MEI1: variants seen among roughly 807,000 people sequenced by gnomAD.
The protein encoded by MEI1 is meiotic double-stranded break formation protein 1.
MEI1 carries 103 observed loss-of-function variants against 146.2 expected under a neutral mutation model. The observed-to-expected ratio is 0.70, with a 90% CI of 0.60 to 0.83. The LOEUF (loss-of-function observed/expected upper bound fraction) is 0.83. Among genes scored for constraint, MEI1 ranks in the 40% least tolerant of loss-of-function variants. The probability of loss-of-function intolerance (pLI) is 0.00; values close to 1 mark genes in which losing one functional copy is unlikely to be tolerated. For synonymous variants in MEI1, 652 were observed against 628.2 expected (o/e 1.04, Z -0.57); for missense variants, 1,529 against 1,533.0 (o/e 1.00, Z 0.04).
intron 3 of MEI1, among the ~76,000 whole-genome samples, chr22:41,708,034 C>A (rs1481616744): frequency 6.6e-6 from 1 of 152,178 alleles, no homozygotes; most frequent in South Asian, 2.1e-4. Flanking sequence ...TGTAACTATC[C>A]TTCATTCATA....
At chr22:41,710,671 T>C (rs9607833) in intron 3 of MEI1, among the ~76,000 whole-genome samples, 12,170 of 152,260 alleles carry the variant, frequency 0.08, 1,343 homozygotes, top group African/African-American at 0.25. Flanking sequence ...TCACTTCTTT[T>C]GTGAAATGAG....
At position 41,718,100 on chromosome 22, in the gene MEI1, T is replaced by G. The variant is rs1304134672; in HGVS notation, c.559T>G (p.Leu187Val). 6.2e-6 allele frequency: 10 copies of G among 1,612,616 alleles called. No individual in the cohort carries two copies. In the Middle Eastern group the frequency reaches 9.2e-4, roughly 149 times the overall value. Residue 187 changes from leucine (L) to valine (V), a missense_variant, in exon 6 of 31, where the codon TTA becomes GTA. By Grantham distance (32) the Leu-to-Val change is conservative. Around this residue, in one of 3 missense-constraint regions of MEI1, gnomAD observed 1,212 missense variants for 1,178.9 expected, o/e 1.03. Coordinates refer to ENST00000401548, the MANE Select transcript of MEI1 (RefSeq NM_152513.4). ...CCTGATGGAGCATCTGTTGAGAGGC[T>G]TAGTATACCCCAGTGAGGGCATACA... Reference protein sequence around the residue: ...GNLMEHLLRGLVYPSEGIQAS... With the variant: ...GNLMEHLLRGVVYPSEGIQAS...
intron 2 of MEI1, among the ~76,000 whole-genome samples, chr22:41,703,977 G>C (rs5751139): frequency 0.83 from 126,877 of 152,130 alleles, 53,865 homozygotes; most frequent in African/African-American, 0.96. Context: ...CAGAGCAAGA[G>C]TCCCGTCTCA....
Position 41,745,749 on chromosome 22 carries a change from T to C in MEI1, c.1539-136T>C. On this transcript the variant is annotated intron_variant, in intron 13 of 30. Transcript: ENST00000401548. The stretch of plus-strand genomic sequence containing the variant: ...CCTCTCCTCATTGTGGTCTATTGAA[T>C]TTTCTCCCAGTCTGATAATAGAGAT... 2.4e-6 allele frequency: 2 copies of C among 828,354 alleles called. 1 individual carries two copies. The highest frequency in any genetic ancestry group is 5.1e-5 in the South Asian group (2 of 39,146). 51.3% of individuals were successfully genotyped at this position (828,354 alleles called of 1,614,324 possible). A position where few individuals can be genotyped will look rare whatever the true frequency, so the allele number is the denominator to read the frequency against.
rs761915540 is a variant in MEI1 at position 41,718,255 on chromosome 22, G to A, written c.714G>A (p.Glu238=). 1.2e-6 allele frequency: 2 copies of A among 1,613,922 alleles called. No individual in the cohort carries two copies. Among genetic ancestry groups the A allele is most frequent in the Non-Finnish European group, 1.7e-6 (2 of 1,179,864 alleles). The change falls in exon 6 of 31, where the codon GAG becomes GAA. Residue 238 remains glutamate (E), a synonymous_variant. Transcript: ENST00000401548. ...LSILDGAQTK[E]LQINCLGLLR... is the part of the protein sequence containing the mutation. ...TCCTGGATGGTGCCCAGACAAAGGA[G>A]CTGCAGATTAACTGCTTGGGTAAGA...
At chr22:41,700,000 A>G (rs1396597856) in intron 1 of MEI1, among the ~76,000 whole-genome samples, 1 of 151,960 alleles carries the variant, frequency 6.6e-6, no homozygotes, top group African/African-American at 2.4e-5. Context: ...TCAGGGACAC[A>G]CCTTCCCGCC....
intron 17 of MEI1, 118 bp from the exon 18 acceptor site, chr22:41,758,247 A>C (rs1368786088): frequency 6.6e-6 from 6 of 911,952 alleles, no homozygotes; most frequent in Non-Finnish European, 9.6e-6. Flanking sequence ...ATTTCCCACT[A>C]TACTGCATTT....
At chr22:41,768,955 A>G (rs1278568484) in intron 19 of MEI1, among the ~76,000 whole-genome samples, 2 of 152,192 alleles carry the variant, frequency 1.3e-5, no homozygotes, top group African/African-American at 4.8e-5. Context: ...AACAGACTGC[A>G]TTCATGAATT....
In MEI1 at chr22:41,763,276, C is replaced by A; in HGVS notation, c.2223C>A (p.Ile741=). ...RPPLVVFKAS[I]YLLAICQDKD... The stretch of plus-strand genomic sequence containing the variant: ...CACTGGTGGTCTTCAAAGCCTCCAT[C>A]TATCTGCTTGCAATCTGCCAGGACA... Residue 741 remains isoleucine, a synonymous_variant, in exon 19 of 31, where the codon ATC becomes ATA. Coordinates refer to ENST00000401548, the MANE Select transcript of MEI1 (RefSeq NM_152513.4). 1 of 1,614,028 alleles carries A rather than the reference C, an allele frequency of 6.2e-7. No homozygotes were observed. The highest frequency in any genetic ancestry group is 1.3e-5 in the African/African-American group (1 of 75,056).
At chr22:41,787,644 A>G in intron 26 of MEI1, among the ~76,000 whole-genome samples, 1 of 152,150 alleles carries the variant, frequency 6.6e-6, no homozygotes, top group East Asian at 1.9e-4. Context: ...AGTTAGGGAA[A>G]TGCTTTCTCC....
chr22:41,786,796 G>C (rs2076002828), intron 26 of MEI1, among the ~76,000 whole-genome samples: 1 of 152,214 alleles, frequency 6.6e-6, no homozygotes, highest in African/African-American at 2.4e-5. Context: ...AGAAGAAGGA[G>C]GGGATCCAGA....
intron 20 of MEI1, among the ~76,000 whole-genome samples, chr22:41,775,656 C>T (rs193038745): frequency 1.8e-4 from 27 of 147,414 alleles, no homozygotes; most frequent in African/African-American, 6.8e-4. Context: ...TGCAGTAGTG[C>T]GATCTCGGCT....
intron 3 of MEI1, among the ~76,000 whole-genome samples, chr22:41,713,483 G>A (rs79082463): frequency 7.3e-4 from 107 of 146,410 alleles, no homozygotes; most frequent in Non-Finnish European, 6.8e-4. Context: ...AAAATCAAAA[G>A]AAAAAAAAAA....
chr22:41,727,614 A>G (rs76816553), intron 7 of MEI1, among the ~76,000 whole-genome samples: 3 of 148,148 alleles, frequency 2.0e-5, no homozygotes, highest in African/African-American at 7.5e-5. Context: ...AGGTTCCCAA[A>G]GACTACCCCT....
In MEI1 at chr22:41,723,996, C is replaced by G. The variant is rs764983701; in HGVS notation, c.787C>G (p.Gln263Glu). The G allele has an allele frequency of 3.7e-6, 6 of 1,612,798 alleles. No homozygotes were observed. Among genetic ancestry groups the G allele is most frequent in the Non-Finnish European group, 4.2e-6 (5 of 1,179,454 alleles). ...TCTCTTTGTGTCCATGATCATGAACCAGGATGGACTGGGAGAAAGTGCTAA... is the reference window on the plus strand; with the variant it reads ...TCTCTTTGTGTCCATGATCATGAACGAGGATGGACTGGGAGAAAGTGCTAA... ...YDLFVSMIMN[Q>E]DGLGESAKNI... Residue 263 changes from glutamine to glutamate, a missense_variant, in exon 7 of 31, where the codon CAG becomes GAG. Around this residue, in one of 3 missense-constraint regions of MEI1, gnomAD observed 1,212 missense variants for 1,178.9 expected, o/e 1.03. Transcript: ENST00000401548.
chr22:41,785,086 G>GC (rs1223991213), intron 26 of MEI1, among the ~76,000 whole-genome samples: 1 of 143,316 alleles, frequency 7.0e-6, no homozygotes, highest in Non-Finnish European at 1.5e-5. Flanking sequence ...ACAGGTGCCT[G>GC]CCACCACACC....
At chr22:41,702,766 T>C (rs1043425093) in intron 1 of MEI1, among the ~76,000 whole-genome samples, 1 of 148,400 alleles carries the variant, frequency 6.7e-6, no homozygotes, top group Non-Finnish European at 1.5e-5. Context: ...TTTTCTTTTC[T>C]TTTTTTTTTG....
At position 41,729,777 on chromosome 22, in the gene MEI1, C is replaced by T. The variant is rs767309925; in HGVS notation, c.977C>T (p.Pro326Leu). ...HASAFIHADI[P>L]EFLFEHLSSS... ...TCAGCCTTCATCCACGCTGACATCC[C>T]AGGTAGGGGAACACTTCTAACCTTC... Residue 326 changes from proline to leucine, a missense_variant and splice_region_variant, in exon 8 of 31, where the codon CCA (proline) becomes CTA (leucine). This residue lies in a region of MEI1 where 1,212 missense variants were observed against 1,178.9 expected (regional missense o/e 1.03). Transcript: ENST00000401548. 2.8e-5 allele frequency: 44 copies of T among 1,598,506 alleles called. No individual in the cohort carries two copies. Among genetic ancestry groups the T allele is most frequent in the Admixed American group, 7.0e-5 (4 of 57,508 alleles).
intron 26 of MEI1, among the ~76,000 whole-genome samples, chr22:41,792,314 T>C (rs980862334): frequency 6.6e-6 from 1 of 152,174 alleles, no homozygotes; most frequent in Non-Finnish European, 1.5e-5. Context: ...TCTTCAGCAG[T>C]TGGGTGGCCC....
Sources: gnomAD v4.1 joint callset for allele counts (sites outside exome capture counted in the v4.1 genomes callset) on GRCh38, gnomAD v4.1.1 for gene constraint, gnomAD v4.1.1 regional missense constraint, MANE v1.5 for transcripts, NCBI Gene and HGNC (gene_info 2026-07-23, HGNC 2026-07-21) for gene names.